The following RALYL variants were observed in gnomAD, a reference collection of about 807,000 sequenced individuals.
RALYL encodes the protein RNA-binding Raly-like protein.
Under a neutral mutation model 35.1 loss-of-function variants are expected in RALYL, and 29 were observed. The observed-to-expected ratio is 0.83, with a 90% CI of 0.61 to 1.13. The LOEUF (loss-of-function observed/expected upper bound fraction) is 1.13, where lower values mean the gene tolerates loss of function less well. RALYL is among the 50% of genes most tolerant of loss of function. The pLI, the probability that RALYL is intolerant of heterozygous loss-of-function variation, is 0.00. For synonymous variants in RALYL, 120 were observed against 127.6 expected (o/e 0.94, Z 0.40); for missense variants, 359 against 360.4 (o/e 1.00, Z 0.03).
chr8:84,282,536 A>C (rs1453652119), intron 1 of RALYL, among the ~76,000 whole-genome samples: 2 of 152,070 alleles, frequency 1.3e-5, no homozygotes, highest in Non-Finnish European at 2.9e-5. Context: ...GGGGTGGTTC[A>C]TAATTTTAAG....
chr8:84,252,946 G>A (rs1037458283), intron 1 of RALYL, among the ~76,000 whole-genome samples: 8 of 151,866 alleles, frequency 5.3e-5, no homozygotes, highest in Non-Finnish European at 8.8e-5. Context: ...TTATTTCCTT[G>A]CATAATGTGA....
chr8:84,475,618 G>A (rs1189107981), intron 1 of RALYL, among the ~76,000 whole-genome samples: 1 of 152,130 alleles, frequency 6.6e-6, no homozygotes, highest in African/African-American at 2.4e-5. Context: ...TTTCTTTTAT[G>A]AGAATTGTGA....
intron 1 of RALYL, among the ~76,000 whole-genome samples, chr8:84,364,068 A>C (rs887540047): frequency 6.6e-6 from 1 of 152,148 alleles, no homozygotes; most frequent in Admixed American, 6.6e-5. Context: ...CTCAGTTTGC[A>C]AACTTAGGTA....
At chr8:84,686,053 C>A (rs1280320856) in intron 2 of RALYL, among the ~76,000 whole-genome samples, 1 of 152,148 alleles carries the variant, frequency 6.6e-6, no homozygotes, top group African/African-American at 2.4e-5. Context: ...TTGGACACAG[C>A]TGGTGCAGTT....
chr8:84,382,182 T>A (rs888325689), intron 1 of RALYL, among the ~76,000 whole-genome samples: 3 of 150,392 alleles, frequency 2.0e-5, no homozygotes, highest in Non-Finnish European at 4.4e-5. Context: ...ACATTTGGGA[T>A]GGAAGTTAAA....
intron 2 of RALYL, among the ~76,000 whole-genome samples, chr8:84,598,083 A>G (rs1212661413): frequency 1.3e-5 from 2 of 152,076 alleles, no homozygotes; most frequent in African/African-American, 4.8e-5. Context: ...GTTGCCTTGC[A>G]CTAGATTGTT....
intron 1 of RALYL, among the ~76,000 whole-genome samples, chr8:84,373,926 T>TC (rs148048521): frequency 0.03 from 4,495 of 152,106 alleles, 214 homozygotes; most frequent in African/African-American, 0.1. Context: ...ATCTTTCACC[T>TC]CCTAGTTAGC....
At chr8:84,257,810 T>A (rs920388740) in intron 1 of RALYL, among the ~76,000 whole-genome samples, 3 of 152,108 alleles carry the variant, frequency 2.0e-5, no homozygotes. Flanking sequence ...TAGGCAAAAA[T>A]GTTTGCTACA....
chr8:84,184,965 C>T (rs1450946480), intron 1 of RALYL: 1 of 1,613,442 alleles, frequency 6.2e-7, no homozygotes, highest in Non-Finnish European at 8.5e-7. Context: ...GGCACCGGCC[C>T]TCGCACGCTC....
chr8:84,726,181 T>G (rs1452468209), intron 2 of RALYL, among the ~76,000 whole-genome samples: 1 of 149,166 alleles, frequency 6.7e-6, no homozygotes, highest in Non-Finnish European at 1.5e-5. Flanking sequence ...ATGTAACTAA[T>G]CTAGATCACA....
At chr8:84,279,509 T>C (rs1213960287) in intron 1 of RALYL, among the ~76,000 whole-genome samples, 2 of 152,234 alleles carry the variant, frequency 1.3e-5, no homozygotes, top group Non-Finnish European at 2.9e-5. Flanking sequence ...CTTCTATTGC[T>C]ATTACTGGCT....
chr8:84,637,863 G>A (rs1475248662), intron 2 of RALYL, among the ~76,000 whole-genome samples: 2 of 151,764 alleles, frequency 1.3e-5, no homozygotes, highest in East Asian at 1.9e-4. Context: ...ACAGGCATAC[G>A]GTTAAATAAA....
At chr8:84,654,856 A>G (rs1829646864) in intron 2 of RALYL, among the ~76,000 whole-genome samples, 1 of 152,092 alleles carries the variant, frequency 6.6e-6, no homozygotes, top group South Asian at 2.1e-4. Context: ...GCTGCTTCCA[A>G]ATCTTGGCTA....
At chr8:84,840,170 G>A (rs183548449) in intron 4 of RALYL, among the ~76,000 whole-genome samples, 6 of 151,934 alleles carry the variant, frequency 3.9e-5, no homozygotes, top group East Asian at 2.0e-4. Context: ...AAACTACTCC[G>A]AGCTAAAGGA....
intron 1 of RALYL, among the ~76,000 whole-genome samples, chr8:84,338,910 C>A (rs571949496): frequency 2.0e-5 from 3 of 152,166 alleles, no homozygotes; most frequent in African/African-American, 4.8e-5. Flanking sequence ...CAGTAACCTG[C>A]AATCCCTTCA....
At chr8:84,557,194 A>G (rs747438111) in intron 2 of RALYL, among the ~76,000 whole-genome samples, 4 of 152,212 alleles carry the variant, frequency 2.6e-5, no homozygotes, top group Non-Finnish European at 4.4e-5. Context: ...TTGTAAATAT[A>G]TATCCCCACT....
At chr8:84,798,935 T>A (rs751342801) in intron 3 of RALYL, among the ~76,000 whole-genome samples, 1 of 152,196 alleles carries the variant, frequency 6.6e-6, no homozygotes, top group Non-Finnish European at 1.5e-5. Context: ...GTGGAGTCTG[T>A]AGACTGAAGT....
intron 2 of RALYL, among the ~76,000 whole-genome samples, chr8:84,764,167 T>A (rs959754560): frequency 6.6e-6 from 1 of 152,166 alleles, no homozygotes; most frequent in African/African-American, 2.4e-5. Context: ...TCACTGATAG[T>A]TCTCAGTGTA....
At chr8:84,804,712 AT>A in intron 3 of RALYL, 57 bp from the exon 4 acceptor site, 6 of 925,434 alleles carry the variant, frequency 6.5e-6, no homozygotes, top group Non-Finnish European at 7.3e-6. Context: ...TGTAAAAGCA[AT>A]TTTTGAATAT....
Sources: gnomAD v4.1 joint callset for allele counts (sites outside exome capture counted in the v4.1 genomes callset) on GRCh38, gnomAD v4.1.1 for gene constraint, MANE v1.5 for transcripts, NCBI Gene and HGNC (gene_info 2026-07-23, HGNC 2026-07-21) for gene names.